The following ZNF407 variants were observed in gnomAD, a reference collection of about 807,000 sequenced individuals.
The protein encoded by ZNF407 is zinc finger protein 407.
ZNF407 carries 17 observed loss-of-function variants against 131.2 expected under a neutral mutation model. The observed-to-expected ratio is 0.13, with a 90% CI of 0.09 to 0.19. ZNF407 has a LOEUF of 0.19. Among genes scored for constraint, ZNF407 ranks in the 10% least tolerant of loss-of-function variants. The probability of loss-of-function intolerance (pLI) is 1.00; values close to 1 mark genes in which losing one functional copy is unlikely to be tolerated. For synonymous variants in ZNF407, 1,156 were observed against 1,062.0 expected, an observed-to-expected ratio of 1.09 and a Z score of -1.72; for missense variants, 2,681 against 2,830.6, an observed-to-expected ratio of 0.95 and a Z score of 1.20.
intron 3 of ZNF407, among the ~76,000 whole-genome samples, chr18:74,715,538 A>C (rs1256269483): frequency 2.6e-5 from 4 of 152,150 alleles, no homozygotes; most frequent in Non-Finnish European, 4.4e-5. Context: ...ATGCTTGGGG[A>C]GCTGGCACTC....
In ZNF407 at chr18:74,881,064, C is replaced by T. The variant is rs760124972; in HGVS notation, c.5073C>T (p.Cys1691=). 20 of 1,574,688 alleles carry T rather than the reference C, an allele frequency of 1.3e-5. No homozygotes were observed. The highest frequency in any genetic ancestry group is 3.6e-5 in the Admixed American group (2 of 55,036). ...TGEKSFLCDL[C]GFAGGTRHAL... ...AGAAGTCGTTTCTGTGTGACCTCTG[C>T]GGCTTTGCCGGCGGGACCCGCCACG... The change falls in exon 6 of 9, where the codon TGC becomes TGT. Residue 1691 remains cysteine, a synonymous_variant. Transcript: ENST00000299687.
At chr18:75,028,728 G>A (rs1014942468) in intron 8 of ZNF407, among the ~76,000 whole-genome samples, 27 of 152,148 alleles carry the variant, frequency 1.8e-4, no homozygotes, top group Non-Finnish European at 2.9e-4. Context: ...GGAACAATGC[G>A]AGAACCCAAG....
intron 3 of ZNF407, among the ~76,000 whole-genome samples, chr18:74,696,423 T>A (rs1363210160): frequency 6.6e-6 from 1 of 152,222 alleles, no homozygotes; most frequent in Non-Finnish European, 1.5e-5. Context: ...CTGACAATGC[T>A]GCCAGGCATG....
chr18:74,839,848 G>T (rs1970607856), intron 4 of ZNF407, among the ~76,000 whole-genome samples: 1 of 152,162 alleles, frequency 6.6e-6, no homozygotes, highest in African/African-American at 2.4e-5. Flanking sequence ...AATGACATCA[G>T]TCATAGTGAT....
intron 8 of ZNF407, among the ~76,000 whole-genome samples, chr18:74,933,576 T>A (rs960352711): frequency 1.3e-5 from 2 of 152,230 alleles, no homozygotes. Flanking sequence ...CCACAATTTT[T>A]AAAAATTACA....
At chr18:74,907,180 A>G (rs1971607508) in intron 7 of ZNF407, among the ~76,000 whole-genome samples, 1 of 152,222 alleles carries the variant, frequency 6.6e-6, no homozygotes. Context: ...CTTTTATACA[A>G]CAAGTAAGGT....
At chr18:74,858,166 C>T (rs1352184931) in intron 4 of ZNF407, among the ~76,000 whole-genome samples, 1 of 149,734 alleles carries the variant, frequency 6.7e-6, no homozygotes, top group Non-Finnish European at 1.5e-5. Context: ...CTCTCCCTCC[C>T]TTCCCTCCCT....
At chr18:74,930,438 C>A (rs567982063) in intron 8 of ZNF407, among the ~76,000 whole-genome samples, 1 of 152,096 alleles carries the variant, frequency 6.6e-6, no homozygotes, top group African/African-American at 2.4e-5. Context: ...TTTCAGACCA[C>A]GAAAATAGCC....
chr18:74,960,243 A>G (rs1972323808), intron 8 of ZNF407, among the ~76,000 whole-genome samples: 1 of 151,850 alleles, frequency 6.6e-6, no homozygotes, highest in African/African-American at 2.4e-5. Flanking sequence ...GAGGGATAGG[A>G]GAAGGTCCTG....
intron 4 of ZNF407, among the ~76,000 whole-genome samples, chr18:74,867,349 T>C (rs1274731364): frequency 6.6e-6 from 1 of 152,230 alleles, no homozygotes; most frequent in Non-Finnish European, 1.5e-5. Flanking sequence ...TATGACTTTC[T>C]TATTGCTGTT....
intron 3 of ZNF407, among the ~76,000 whole-genome samples, chr18:74,767,363 T>C (rs1969258768): frequency 6.6e-6 from 1 of 152,212 alleles, no homozygotes; most frequent in Non-Finnish European, 1.5e-5. Context: ...TAATTGATGA[T>C]GATGATCTTC....
chr18:75,059,696 C>G (rs1180682819), intron 8 of ZNF407, among the ~76,000 whole-genome samples: 3 of 152,112 alleles, frequency 2.0e-5, no homozygotes, highest in Admixed American at 1.3e-4. Flanking sequence ...CACACGGGCC[C>G]GGCTTATGCT....
chr18:74,859,055 A>G lies in ZNF407; in HGVS notation c.4878-18142A>G, dbSNP rs1308883206. 2.6e-5 allele frequency among the ~76,000 whole-genome samples: 4 copies of G among 152,054 alleles called. No individual in the cohort carries two copies. The East Asian group carries it at 7.7e-4, about 29-fold the overall frequency. On this transcript the variant is annotated intron_variant, in intron 4 of 8. Transcript: ENST00000299687. ...AGCTCTGTAGTGGAGTTTTTATTGT[A>G]CTCCGCAGTGTACGGTTATGAAGTG...
intron 4 of ZNF407, among the ~76,000 whole-genome samples, chr18:74,824,520 G>A (rs1312840240): frequency 1.3e-5 from 2 of 152,096 alleles, no homozygotes; most frequent in East Asian, 3.9e-4. Flanking sequence ...AATAAAAAAT[G>A]ATAAAGGGAT....
chr18:74,654,350 G>GA (rs1402618340), intron 3 of ZNF407, among the ~76,000 whole-genome samples: 1 of 151,720 alleles, frequency 6.6e-6, no homozygotes, highest in Non-Finnish European at 1.5e-5. Context: ...TTTTCTGACA[G>GA]AAAAATAAAG....
intron 7 of ZNF407, among the ~76,000 whole-genome samples, chr18:74,913,976 C>G (rs528902864): frequency 6.6e-6 from 1 of 152,268 alleles, no homozygotes; most frequent in African/African-American, 2.4e-5. Context: ...CATCTTGGGC[C>G]CTTTTGCTAA....
chr18:75,025,511 G>A (rs1973160569), intron 8 of ZNF407, among the ~76,000 whole-genome samples: 1 of 152,144 alleles, frequency 6.6e-6, no homozygotes, highest in Admixed American at 6.5e-5. Context: ...TGTTGATTTT[G>A]GAGGAGCAGG....
At chr18:74,691,437 G>A (rs1967220201) in intron 3 of ZNF407, among the ~76,000 whole-genome samples, 1 of 151,350 alleles carries the variant, frequency 6.6e-6, no homozygotes, top group Non-Finnish European at 1.5e-5. Context: ...CATAGTGTTT[G>A]ATCACTTTGG....
intron 8 of ZNF407, chr18:74,921,025 AT>A (rs931528006): frequency 2.9e-4 from 288 of 1,004,520 alleles, no homozygotes; most frequent in Middle Eastern, 9.6e-4. Context: ...TAAAATTTTA[AT>A]TTTTTTTCTT....
Sources: allele counts gnomAD v4.1 joint callset (sites outside exome capture counted in the v4.1 genomes callset), GRCh38; gene constraint gnomAD v4.1.1; transcripts MANE v1.5; gene names NCBI Gene and HGNC (gene_info 2026-07-23, HGNC 2026-07-21).